The following PTPRR variants were observed in gnomAD, a reference collection of about 807,000 sequenced individuals.
PTPRR encodes receptor-type tyrosine-protein phosphatase R.
PTPRR carries 38 observed loss-of-function variants against 77.2 expected under a neutral mutation model. The ratio of observed to expected loss-of-function variants is 0.49; its 90% CI spans 0.38 to 0.65. The LOEUF (loss-of-function observed/expected upper bound fraction) is 0.65. Among genes scored for constraint, PTPRR ranks in the 30% least tolerant of loss-of-function variants. The probability of loss-of-function intolerance (pLI) is 0.00; values close to 1 mark genes in which losing one functional copy is unlikely to be tolerated. For missense variants in PTPRR, 744 were observed against 799.2 expected (o/e 0.93, Z 0.83); for synonymous variants, 299 against 283.1 (o/e 1.06, Z -0.57).
chr12:70,785,978 C>T (rs1891313624), intron 2 of PTPRR, among the ~76,000 whole-genome samples: 1 of 152,140 alleles, frequency 6.6e-6, no homozygotes, highest in African/African-American at 2.4e-5. Flanking sequence ...TCCTTGTTCT[C>T]TTTCAGCCTC....
chr12:70,811,156 C>T (rs1040519754), intron 2 of PTPRR, among the ~76,000 whole-genome samples: 36 of 152,016 alleles, frequency 2.4e-4, no homozygotes, highest in African/African-American at 7.2e-4. Context: ...ATTTGATGGA[C>T]GCCACTGCAG....
intron 2 of PTPRR, among the ~76,000 whole-genome samples, chr12:70,873,545 C>T (rs781746485): frequency 9.9e-5 from 15 of 152,122 alleles, no homozygotes; most frequent in East Asian, 1.9e-4. Flanking sequence ...AACAATGCAA[C>T]GTCTTTAAGA....
chr12:70,684,321 AG>A, intron 9 of PTPRR, 57 bp from the exon 10 acceptor site: 1 of 1,565,086 alleles, frequency 6.4e-7, no homozygotes, highest in Non-Finnish European at 8.7e-7. Flanking sequence ...TTGCAGTGAA[AG>A]TGTAGGTGAA....
At chr12:70,825,872 C>A (rs565408210) in intron 2 of PTPRR, among the ~76,000 whole-genome samples, 1 of 152,360 alleles carries the variant, frequency 6.6e-6, no homozygotes, top group Non-Finnish European at 1.5e-5. Flanking sequence ...GGCAAAGTGG[C>A]TCCCACGTTA....
rs150353143 is a variant in PTPRR, at chr12:70,824,643, CCA to C, written c.358-59867_358-59866del. On this transcript the variant is annotated intron_variant, in intron 2 of 13. Transcript: ENST00000283228. ...TAGTAGTTGCCTGTACAGGGAGAAG[CCA>C]CAGTGTGTCTGGTGGTGTCAGCTGC... Among the ~76,000 whole-genome samples the C allele has an allele frequency of 3.1e-3, 473 of 152,266 alleles. 4 individuals carry two copies. Among genetic ancestry groups the C allele is most frequent in the African/African-American group, 0.011 (456 of 41,530 alleles).
chr12:70,839,845 T>C (rs1892366596), intron 2 of PTPRR, among the ~76,000 whole-genome samples: 1 of 152,176 alleles, frequency 6.6e-6, no homozygotes, highest in African/African-American at 2.4e-5. Context: ...AATTTCTTTC[T>C]TAGAACCAGA....
chr12:70,793,678 T>G (rs1185471890), intron 2 of PTPRR, among the ~76,000 whole-genome samples: 1 of 152,216 alleles, frequency 6.6e-6, no homozygotes, highest in Non-Finnish European at 1.5e-5. Flanking sequence ...CATTCTTCCA[T>G]CAAACGAGGG....
chr12:70,798,009 G>A (rs2137016794), intron 2 of PTPRR, among the ~76,000 whole-genome samples: 1 of 152,210 alleles, frequency 6.6e-6, no homozygotes, highest in South Asian at 2.1e-4. Flanking sequence ...GAGTTCCATA[G>A]ACTTTTATAT....
chr12:70,844,808 A>G (rs78797203), intron 2 of PTPRR, among the ~76,000 whole-genome samples: 1,566 of 152,332 alleles, frequency 0.01, 21 homozygotes, highest in South Asian at 0.059. Flanking sequence ...CAATTTTTAC[A>G]TATGATATAT....
At chr12:70,807,128 T>C (rs1891724294) in intron 2 of PTPRR, among the ~76,000 whole-genome samples, 1 of 152,200 alleles carries the variant, frequency 6.6e-6, no homozygotes, top group Non-Finnish European at 1.5e-5. Flanking sequence ...ACTGACATGA[T>C]GCTTAGAGAT....
chr12:70,759,679 TAAAAAAAAAAAAA>T (rs34011060), intron 4 of PTPRR, among the ~76,000 whole-genome samples: 1 of 34,430 alleles, frequency 2.9e-5, no homozygotes, highest in African/African-American at 9.1e-5. Flanking sequence ...GACTCCGTCT[TAAAAAAAAAAAAA>T]AAAAAAAAAA....
intron 8 of PTPRR, among the ~76,000 whole-genome samples, chr12:70,685,362 G>A (rs1478183583): frequency 6.6e-6 from 1 of 151,112 alleles, no homozygotes; most frequent in Non-Finnish European, 1.5e-5. Flanking sequence ...GATTCATTTC[G>A]AGGCTGGGCA....
intron 2 of PTPRR, among the ~76,000 whole-genome samples, chr12:70,859,516 G>C (rs1892713458): frequency 6.6e-6 from 1 of 151,966 alleles, no homozygotes; most frequent in East Asian, 1.9e-4. Context: ...CTCAGGGAGG[G>C]GGGTAATTGA....
chr12:70,808,358 T>A (rs1309393130), intron 2 of PTPRR, among the ~76,000 whole-genome samples: 1 of 152,132 alleles, frequency 6.6e-6, no homozygotes, highest in Non-Finnish European at 1.5e-5. Flanking sequence ...TGTGATCTTT[T>A]GTTGCCCTTA....
At position 70,866,559 on chromosome 12, in the gene PTPRR, A is replaced by G. The variant is rs1176979630; in HGVS notation, c.357+26120T>C. 1.2e-4 allele frequency among the ~76,000 whole-genome samples: 18 copies of G among 152,276 alleles called. No homozygotes were observed. The East Asian group carries it at 1.5e-3, about 13-fold the overall frequency. On this transcript the variant is annotated intron_variant, in intron 2 of 13. Coordinates refer to ENST00000283228, the MANE Select transcript of PTPRR (RefSeq NM_002849.4). ...TAATCAATAGCTTACCAACCAAAAA[A>G]AGTCCAGGACCAGATGGATTCACAG...
intron 6 of PTPRR, among the ~76,000 whole-genome samples, chr12:70,705,555 C>A (rs561375315): frequency 6.6e-6 from 1 of 151,926 alleles, no homozygotes; most frequent in East Asian, 1.9e-4. Flanking sequence ...CTTGTAGTCC[C>A]GGAAGATGTA....
intron 10 of PTPRR, chr12:70,664,607 C>T (rs1278536560): frequency 1.3e-5 from 2 of 152,248 alleles, no homozygotes; most frequent in African/African-American, 4.8e-5. Flanking sequence ...AGCTTGCCGC[C>T]TGCACCCTGA....
intron 11 of PTPRR, among the ~76,000 whole-genome samples, chr12:70,661,563 A>C (rs1886800822): frequency 6.6e-6 from 1 of 152,212 alleles, no homozygotes; most frequent in African/African-American, 2.4e-5. Context: ...CCAGTATTTA[A>C]TAGGAGTGAG....
At chr12:70,647,126 C>T (rs1886228875) in intron 13 of PTPRR, among the ~76,000 whole-genome samples, 1 of 151,916 alleles carries the variant, frequency 6.6e-6, no homozygotes, top group African/African-American at 2.4e-5. Flanking sequence ...CAAATTCCAT[C>T]CTTGACTCTT....
Sources: gnomAD v4.1 joint callset for allele counts (sites outside exome capture counted in the v4.1 genomes callset) on GRCh38, gnomAD v4.1.1 for gene constraint, MANE v1.5 for transcripts, NCBI Gene and HGNC (gene_info 2026-07-23, HGNC 2026-07-21) for gene names.